ZBTB20: variants seen among roughly 807,000 people sequenced by gnomAD.
ZBTB20 encodes the protein zinc finger and BTB domain-containing protein 20.
Under a neutral mutation model 56.9 loss-of-function variants are expected in ZBTB20, and 9 were observed. The observed-to-expected ratio is 0.16, with a 90% CI of 0.10 to 0.28. The LOEUF (loss-of-function observed/expected upper bound fraction) is 0.28. Among genes scored for constraint, ZBTB20 ranks in the 10% least tolerant of loss-of-function variants. ZBTB20 has a pLI of 1.00. For missense variants in ZBTB20, 655 were observed against 1,003.0 expected, an observed-to-expected ratio of 0.65 and a Z score of 4.69; for synonymous variants, 417 against 420.7, an observed-to-expected ratio of 0.99 and a Z score of 0.11.
At chr3:114,815,363 A>C (rs1216714352) in intron 4 of ZBTB20, among the ~76,000 whole-genome samples, 16 of 152,204 alleles carry the variant, frequency 1.1e-4, no homozygotes, top group Admixed American at 1.0e-3. Context: ...AATATAGAAA[A>C]TATGAGGAAA....
intron 3 of ZBTB20, among the ~76,000 whole-genome samples, chr3:114,927,383 A>G (rs2076198004): frequency 6.6e-6 from 1 of 152,188 alleles, no homozygotes; most frequent in Non-Finnish European, 1.5e-5. Flanking sequence ...TCTTGGGCAC[A>G]TGTTATCAAA....
At chr3:114,587,386 C>T (rs78928177) in intron 6 of ZBTB20, among the ~76,000 whole-genome samples, 14,243 of 151,876 alleles carry the variant, frequency 0.094, 774 homozygotes, top group African/African-American at 0.14. Flanking sequence ...AAGTCAAAGC[C>T]GGAACAGGTG....
At chr3:114,396,666 C>G (rs879383801) in intron 7 of ZBTB20, among the ~76,000 whole-genome samples, 1 of 152,144 alleles carries the variant, frequency 6.6e-6, no homozygotes, top group Non-Finnish European at 1.5e-5. Flanking sequence ...CACCAAACCA[C>G]TGATCTGCCT....
intron 1 of ZBTB20, among the ~76,000 whole-genome samples, chr3:115,115,591 C>G (rs1205964045): frequency 6.6e-6 from 1 of 151,992 alleles, no homozygotes; most frequent in Non-Finnish European, 1.5e-5. Context: ...CATATTCTAG[C>G]AGTATTTGCT....
chr3:114,509,304 T>A (rs1283459678), intron 6 of ZBTB20, among the ~76,000 whole-genome samples: 1 of 152,062 alleles, frequency 6.6e-6, no homozygotes, highest in Non-Finnish European at 1.5e-5. Context: ...AATATATTCA[T>A]TTAATTGTTT....
chr3:114,368,761 C>T (rs2082689731), intron 10 of ZBTB20, among the ~76,000 whole-genome samples: 2 of 152,210 alleles, frequency 1.3e-5, no homozygotes, highest in Admixed American at 6.5e-5. Context: ...TATCACTGCC[C>T]AGTGAAACCA....
At chr3:115,036,185 A>C (rs2080910300) in intron 2 of ZBTB20, among the ~76,000 whole-genome samples, 1 of 152,160 alleles carries the variant, frequency 6.6e-6, no homozygotes, top group South Asian at 2.1e-4. Flanking sequence ...AATGTACTTA[A>C]TGCCACCAAA....
chr3:114,382,949 C>A (rs1441641239), intron 8 of ZBTB20, among the ~76,000 whole-genome samples: 1 of 152,210 alleles, frequency 6.6e-6, no homozygotes, highest in East Asian at 1.9e-4. Flanking sequence ...GAGTTTACTG[C>A]CTTGTCTATA....
At chr3:114,420,941 T>C (rs2089103592) in intron 7 of ZBTB20, among the ~76,000 whole-genome samples, 1 of 152,166 alleles carries the variant, frequency 6.6e-6, no homozygotes, top group African/African-American at 2.4e-5. Flanking sequence ...GAACCAGTTT[T>C]ATGAAAGAAA....
At chr3:114,471,041 G>T (rs73241543) in intron 7 of ZBTB20, among the ~76,000 whole-genome samples, 1 of 152,054 alleles carries the variant, frequency 6.6e-6, no homozygotes, top group Non-Finnish European at 1.5e-5. Context: ...CAGAAAATAT[G>T]TAGTGTCTGA....
intron 6 of ZBTB20, among the ~76,000 whole-genome samples, chr3:114,570,971 C>A (rs1018191840): frequency 1.3e-5 from 2 of 152,088 alleles, no homozygotes; most frequent in Non-Finnish European, 2.9e-5. Flanking sequence ...GCATATTACT[C>A]TGTGCTGTTT....
chr3:114,791,141 A>T (rs2070932179), intron 5 of ZBTB20, among the ~76,000 whole-genome samples: 1 of 152,164 alleles, frequency 6.6e-6, no homozygotes. Context: ...GATAGGAGAA[A>T]GTGTCCCCTA....
At chr3:115,093,748 A>C (rs1000231211) in intron 1 of ZBTB20, among the ~76,000 whole-genome samples, 1 of 152,168 alleles carries the variant, frequency 6.6e-6, no homozygotes, top group African/African-American at 2.4e-5. Context: ...CAAGAATTAA[A>C]GGGCAAAAGG....
At chr3:114,745,998 A>C (rs1306255391) in intron 5 of ZBTB20, among the ~76,000 whole-genome samples, 1 of 152,174 alleles carries the variant, frequency 6.6e-6, no homozygotes, top group Non-Finnish European at 1.5e-5. Flanking sequence ...TGGAATGAAC[A>C]CTGGGCCTAT....
chr3:115,146,264 G>C (rs575355057), intron 1 of ZBTB20, among the ~76,000 whole-genome samples: 2 of 151,646 alleles, frequency 1.3e-5, no homozygotes. Flanking sequence ...CTAATGTTTA[G>C]TTTGTGTGTG....
chr3:114,417,618 A>G (rs947116797), intron 7 of ZBTB20, among the ~76,000 whole-genome samples: 2 of 152,064 alleles, frequency 1.3e-5, no homozygotes, highest in Admixed American at 6.6e-5. Flanking sequence ...TTGCTCTTGG[A>G]GTCTGAACAG....
intron 1 of ZBTB20, among the ~76,000 whole-genome samples, chr3:115,122,970 T>C (rs2084225196): frequency 6.6e-6 from 1 of 152,146 alleles, no homozygotes. Flanking sequence ...CCCAGTAAAT[T>C]ACCTGGAAAC....
At chr3:114,637,222 T>A (rs2059327617) in intron 6 of ZBTB20, among the ~76,000 whole-genome samples, 1 of 152,100 alleles carries the variant, frequency 6.6e-6, no homozygotes, top group Non-Finnish European at 1.5e-5. Context: ...TAAACTATTA[T>A]TATGAAGTAG....
At position 114,662,222 on chromosome 3, in the gene ZBTB20, A is replaced by C. The variant is rs184312658; in HGVS notation, c.-295+31306T>G. On this transcript the variant is annotated intron_variant, in intron 6 of 11. Transcript: ENST00000675478. ...TTCCAATTTCATCCATGTCCCTACA[A>C]AGGATACGAACTCATCATTTTTTAT... 1.2e-4 allele frequency among the ~76,000 whole-genome samples: 19 copies of C among 152,148 alleles called. No individual in the cohort carries two copies. In the South Asian group the frequency reaches 3.7e-3, roughly 30 times the overall value.
Sources: allele counts gnomAD v4.1 joint callset (sites outside exome capture counted in the v4.1 genomes callset), GRCh38; gene constraint gnomAD v4.1.1; transcripts MANE v1.5; gene names NCBI Gene and HGNC (gene_info 2026-07-23, HGNC 2026-07-21).